ACTR3: variants seen among roughly 807,000 people sequenced by gnomAD.
ACTR3 encodes actin-related protein 3.
ACTR3 carries 12 observed loss-of-function variants against 56.8 expected under a neutral mutation model. The ratio of observed to expected loss-of-function variants is 0.21; its 90% CI spans 0.14 to 0.34. The LOEUF (loss-of-function observed/expected upper bound fraction) is 0.34. Among genes scored for constraint, ACTR3 ranks in the 10% least tolerant of loss-of-function variants. The pLI, the probability that ACTR3 is intolerant of heterozygous loss-of-function variation, is 1.00. For synonymous variants in ACTR3, 162 were observed against 167.4 expected, an observed-to-expected ratio of 0.97 and a Z score of 0.25; for missense variants, 282 against 512.5, an observed-to-expected ratio of 0.55 and a Z score of 4.34.
At position 113,931,405 on chromosome 2, in the gene ACTR3, G is replaced by A; in HGVS notation, c.432+9G>A. On this transcript the variant is annotated intron_variant, in intron 5 of 11. Coordinates refer to ENST00000263238, the MANE Select transcript of ACTR3 (RefSeq NM_005721.5). ...TGTACATTGCTGTGCAGGTAAGCAA[G>A]TTCATACTTTCTAAGTTTGATTCTT... 6.5e-7 allele frequency: 1 copy of A among 1,528,570 alleles called. No homozygotes were observed. The highest frequency in any genetic ancestry group is 8.8e-7 in the Non-Finnish European group (1 of 1,134,970). The allele number at this position is 1,528,570 out of a possible 1,614,324, so 94.7% of individuals were successfully genotyped here.
intron 7 of ACTR3, among the ~76,000 whole-genome samples, chr2:113,940,856 TGCTACCCAA>T (rs1290510988): frequency 6.6e-6 from 1 of 151,138 alleles, no homozygotes; most frequent in Non-Finnish European, 1.5e-5. Context: ...GATCTTGTTC[TGCTACCCAA>T]GCTGGAGCGC....
chr2:113,890,816 A>G (rs935984759), intron 1 of ACTR3: 43 of 993,498 alleles, frequency 4.3e-5, no homozygotes, highest in Non-Finnish European at 1.8e-5. Flanking sequence ...CATTCTGCCC[A>G]GGGTGTGGGT....
Position 113,955,367 on chromosome 2 carries a change from A to G in ACTR3, c.1078-256A>G, listed in dbSNP as rs552323095. On this transcript the variant is annotated intron_variant, in intron 10 of 11. Coordinates refer to ENST00000263238, the MANE Select transcript of ACTR3 (RefSeq NM_005721.5). The stretch of plus-strand genomic sequence containing the variant: ...GTAAAACACTAACATTTAGATTCTT[A>G]AAGTCAGAACTGTATAAAACATGTG... 28 of 287,274 alleles carry G rather than the reference A, an allele frequency of 9.7e-5. No individual in the cohort carries two copies. In the South Asian group the frequency reaches 3.5e-3, roughly 36 times the overall value. The allele number at this position is 287,274 out of a possible 1,614,324, so 17.8% of individuals were successfully genotyped here. A position where few individuals can be genotyped will look rare whatever the true frequency, so the allele number is the denominator to read the frequency against.
At chr2:113,935,035 CT>C (rs74265859) in intron 6 of ACTR3, among the ~76,000 whole-genome samples, 596 of 142,662 alleles carry the variant, frequency 4.2e-3, no homozygotes, top group South Asian at 0.019. Flanking sequence ...TTATTTTGAA[CT>C]TTTTTTTTTT....
In ACTR3 at chr2:113,914,684, A is replaced by G. The variant is rs958271164; in HGVS notation, c.100+1457A>G. ...TTCAAAATTGCACCTAAAAGGGGAAATGGTTTTAGGGTTTTTATCTACTCC... is the reference window on the plus strand; with the variant it reads ...TTCAAAATTGCACCTAAAAGGGGAAGTGGTTTTAGGGTTTTTATCTACTCC... On this transcript the variant is annotated intron_variant, in intron 2 of 11. Coordinates refer to ENST00000263238, the MANE Select transcript of ACTR3 (RefSeq NM_005721.5). Among the ~76,000 whole-genome samples the G allele has an allele frequency of 5.9e-5, 9 of 152,008 alleles. No individual in the cohort carries two copies. In the South Asian group the frequency reaches 6.2e-4, roughly 11 times the overall value.
chr2:113,929,544 C>T (rs779281680), intron 4 of ACTR3, among the ~76,000 whole-genome samples: 3 of 152,140 alleles, frequency 2.0e-5, no homozygotes, highest in South Asian at 2.1e-4. Flanking sequence ...GGAATTGCAG[C>T]GTCATAGGGT....
chr2:113,953,068 AATGGT>A (rs1344088776), intron 10 of ACTR3: 12 of 152,174 alleles, frequency 7.9e-5, no homozygotes, highest in Admixed American at 2.0e-4. Context: ...TGATTGTCCT[AATGGT>A]ATGGTTATGG....
rs376284533 is a variant in ACTR3 at position 113,897,742 on chromosome 2, A to T, written c.44+7419A>T. Among the ~76,000 whole-genome samples the T allele has an allele frequency of 4.6e-5, 7 of 151,846 alleles. No homozygotes were observed. The East Asian group carries it at 1.2e-3, about 25-fold the overall frequency. On this transcript the variant is annotated intron_variant, in intron 1 of 11. Transcript: ENST00000263238. ...GGGTTTCACCATATTGGCCAGGCTG[A>T]TATTGAACTCCTGAACTCAAGTGAT...
intron 1 of ACTR3, among the ~76,000 whole-genome samples, chr2:113,890,976 A>G (rs539104334): frequency 7.9e-5 from 12 of 152,278 alleles, no homozygotes; most frequent in African/African-American, 2.6e-4. Flanking sequence ...CGAGGGAGAA[A>G]GATGTCATGT....
At chr2:113,937,381 C>G (rs956624410) in intron 6 of ACTR3, among the ~76,000 whole-genome samples, 1 of 152,202 alleles carries the variant, frequency 6.6e-6, no homozygotes, top group African/African-American at 2.4e-5. Context: ...CCTGGGATTA[C>G]AGGCATGAGC....
chr2:113,906,809 C>CT lies in ACTR3; in HGVS notation c.45-6362dup, dbSNP rs532605786. Reference sequence around the variant, plus strand: ...AGAGTTTATTTCTGGGCTCCTGATTCTGTTAGTTCTTATGCCAGTACCATA... The same window carrying CT: ...AGAGTTTATTTCTGGGCTCCTGATTCTTGTTAGTTCTTATGCCAGTACCATA... On this transcript the variant is annotated intron_variant, in intron 1 of 11. Transcript: ENST00000263238. Among the ~76,000 whole-genome samples the CT allele has an allele frequency of 2.1e-3, 322 of 152,202 alleles. 2 individuals are homozygous for CT. The highest frequency in any genetic ancestry group is 7.4e-3 in the African/African-American group (307 of 41,536).
intron 4 of ACTR3, among the ~76,000 whole-genome samples, chr2:113,928,222 G>A (rs1679654896): frequency 6.6e-6 from 1 of 151,966 alleles, no homozygotes; most frequent in Admixed American, 6.6e-5. Context: ...GATTGTGATG[G>A]ACTATAAAGT....
At chr2:113,935,107 G>A (rs997539170) in intron 6 of ACTR3, among the ~76,000 whole-genome samples, 1 of 151,450 alleles carries the variant, frequency 6.6e-6, no homozygotes, top group African/African-American at 2.4e-5. Flanking sequence ...ACATCCTCAG[G>A]GTGACTACCT....
At chr2:113,946,468 T>C (rs542030419) in intron 8 of ACTR3, among the ~76,000 whole-genome samples, 51 of 152,240 alleles carry the variant, frequency 3.3e-4, no homozygotes, top group Middle Eastern at 6.8e-3. Context: ...ATCAGTGACG[T>C]TGAGCTTTTT....
rs1423814406 is a variant in ACTR3, at chr2:113,939,863, AACTT to A, written c.541-94_541-91del. ...CAGTACTTGAGACTATAAATACACT[AACTT>A]AATAAATTGGTCTTTATTGGTTCAT... On this transcript the variant is annotated intron_variant, in intron 6 of 11. Transcript: ENST00000263238. 4 of 1,128,944 alleles carry A rather than the reference AACTT, an allele frequency of 3.5e-6. No individual in the cohort carries two copies. In the Admixed American group the frequency reaches 7.1e-5, roughly 20 times the overall value. The allele number at this position is 1,128,944 out of a possible 1,614,324, so 69.9% of individuals were successfully genotyped here. A position where few individuals can be genotyped will look rare whatever the true frequency, so the allele number is the denominator to read the frequency against.
At position 113,940,933 on chromosome 2, in the gene ACTR3, G is replaced by A. The variant is rs185755701; in HGVS notation, c.684+831G>A. 8.5e-4 allele frequency among the ~76,000 whole-genome samples: 129 copies of A among 151,108 alleles called. No individual in the cohort carries two copies. The East Asian group carries it at 0.018, about 21-fold the overall frequency. ...ACTCCTGGGCTCACGTGATCCTCCC[G>A]CGTCAGCCTCCTGAGTAGCTAGGAC... On this transcript the variant is annotated intron_variant, in intron 7 of 11. Coordinates refer to ENST00000263238, the MANE Select transcript of ACTR3 (RefSeq NM_005721.5).
chr2:113,935,035 C>CT (rs74265859), intron 6 of ACTR3, among the ~76,000 whole-genome samples: 4,394 of 142,894 alleles, frequency 0.031, 218 homozygotes, highest in East Asian at 0.26. Flanking sequence ...TTATTTTGAA[C>CT]TTTTTTTTTT....
chr2:113,961,693 T>C lies in ACTR3; in HGVS notation c.*4238T>C, dbSNP rs935675214. On this transcript the variant is annotated 3_prime_UTR_variant, in exon 12 of 12. Transcript: ENST00000263238. ...TACTGTGCATAAAGATGAATAAATA[T>C]TCTGTCCTTGGCTTAGTCTAATAGT... The C allele has an allele frequency of 6.6e-6, 1 of 151,974 alleles. No individual in the cohort carries two copies. The highest frequency in any genetic ancestry group is 1.5e-5 in the Non-Finnish European group (1 of 67,878). 9.4% of individuals were successfully genotyped at this position (151,974 alleles called of 1,614,324 possible).
intron 8 of ACTR3, among the ~76,000 whole-genome samples, chr2:113,945,704 T>C (rs893716942): frequency 7.2e-5 from 11 of 152,102 alleles, no homozygotes; most frequent in Admixed American, 7.2e-4. Context: ...AGGTAAACTT[T>C]TGTCATGGAG....
Sources: allele counts gnomAD v4.1 joint callset (sites outside exome capture counted in the v4.1 genomes callset), GRCh38; gene constraint gnomAD v4.1.1; transcripts MANE v1.5; gene names NCBI Gene and HGNC (gene_info 2026-07-23, HGNC 2026-07-21).